LONRF1: variants seen among roughly 807,000 people sequenced by gnomAD.
The protein encoded by LONRF1 is LON peptidase N-terminal domain and ring finger 1, also known as LON peptidase N-terminal domain and RING finger protein 1.
A neutral mutation model predicts 85.8 loss-of-function variants in LONRF1; 37 were observed. The ratio of observed to expected loss-of-function variants is 0.43; its 90% CI spans 0.33 to 0.57. The LOEUF (loss-of-function observed/expected upper bound fraction) is 0.57. Among genes scored for constraint, LONRF1 ranks in the 20% least tolerant of loss-of-function variants. The pLI is 0.04. For synonymous variants in LONRF1, 517 were observed against 390.1 expected (o/e 1.33, Z -3.83); for missense variants, 1,036 against 978.0 (o/e 1.06, Z -0.79).
rs1348229509 is a variant in LONRF1, at chr8:12,729,302, G to A, written c.1719C>T (p.Cys573=). The change falls in exon 9 of 12, where the codon TGC becomes TGT. Residue 573 remains cysteine (C), a synonymous_variant. Coordinates refer to ENST00000398246, the MANE Select transcript of LONRF1 (RefSeq NM_152271.5). ...HLTKNVPIFV[C]TMAYPTVPCP... is the part of the protein sequence containing the mutation. ...AAGGCACAGTGGGGTAGGCCATAGT[G>A]CAAACAAATATTGGAACATTCTTGG... is the stretch of plus-strand genomic sequence containing the variant. 1 of 1,613,734 alleles carries A rather than the reference G, an allele frequency of 6.2e-7. No individual in the cohort carries two copies. The highest frequency in any genetic ancestry group is 1.1e-5 in the South Asian group (1 of 91,020).
Position 12,726,035 on chromosome 8 carries a change from C to A in LONRF1, c.2011-156G>T. 6.4e-6 allele frequency: 4 copies of A among 620,346 alleles called. No individual in the cohort carries two copies. In the South Asian group the frequency reaches 7.6e-5, roughly 12 times the overall value. 38.4% of individuals were successfully genotyped at this position (620,346 alleles called of 1,614,324 possible). A position where few individuals can be genotyped will look rare whatever the true frequency, so the allele number is the denominator to read the frequency against. On this transcript the variant is annotated intron_variant, in intron 10 of 11. Coordinates refer to ENST00000398246, the MANE Select transcript of LONRF1 (RefSeq NM_152271.5). ...AGTATTATTCCTATGCTTTAATACACATTTCTGTCTCATATAGGGCTGACC... is the reference window on the plus strand; with the variant it reads ...AGTATTATTCCTATGCTTTAATACAAATTTCTGTCTCATATAGGGCTGACC...
chr8:12,735,607 A>T, intron 6 of LONRF1: 1 of 527,022 alleles, frequency 1.9e-6, no homozygotes, highest in African/African-American at 1.9e-5. Context: ...CCTCCTGCCA[A>T]AGGCCTAGAG....
At position 12,731,822 on chromosome 8, in the gene LONRF1, C is replaced by G. The variant is rs1477316910; in HGVS notation, c.1602G>C (p.Leu534=). The G allele has an allele frequency of 1.2e-6, 2 of 1,612,764 alleles. No individual in the cohort carries two copies. Among genetic ancestry groups the G allele is most frequent in the Non-Finnish European group, 1.7e-6 (2 of 1,179,062 alleles). ...LADRRYCVTQ[L]LEELIVKYLP... ...GATACTTCACTATTAATTCTTCCAA[C>G]AGCTGTGTGACACAGTACCTCCTAT... The change falls in exon 8 of 12, where the codon CTG becomes CTC. Residue 534 remains leucine, a synonymous_variant. Transcript: ENST00000398246.
chr8:12,725,935 T>C, intron 10 of LONRF1, 56 bp from the exon 11 acceptor site: 5 of 1,518,738 alleles, frequency 3.3e-6, no homozygotes, highest in Non-Finnish European at 4.5e-6. Flanking sequence ...CCATATGCCA[T>C]ATGCCAACCG....
intron 1 of LONRF1, chr8:12,754,160 T>C (rs1799529069): frequency 6.6e-6 from 1 of 152,002 alleles, no homozygotes; most frequent in Admixed American, 6.5e-5. Context: ...CTTATGCAAT[T>C]CTGCCCTCCC....
At chr8:12,725,352 A>C (rs1798255436) in intron 11 of LONRF1, among the ~76,000 whole-genome samples, 2 of 152,198 alleles carry the variant, frequency 1.3e-5, no homozygotes, top group South Asian at 4.1e-4. Flanking sequence ...TCTGCTGTCA[A>C]AGAATAACAG....
At chr8:12,732,669 T>G (rs144612923) in intron 7 of LONRF1, among the ~76,000 whole-genome samples, 30 of 152,180 alleles carry the variant, frequency 2.0e-4, no homozygotes, top group Non-Finnish European at 4.1e-4. Context: ...CCTTAATTAT[T>G]TTTTTCTCTC....
chr8:12,748,609 A>G (rs1167195778), intron 1 of LONRF1, among the ~76,000 whole-genome samples: 3 of 152,248 alleles, frequency 2.0e-5, no homozygotes, highest in African/African-American at 4.8e-5. Context: ...CTAGAAATAC[A>G]TAAATTAAAA....
rs1299558186 is a variant in LONRF1 at position 12,737,353 on chromosome 8, T to A, written c.1114-213A>T. On this transcript the variant is annotated intron_variant, in intron 4 of 11. Transcript: ENST00000398246. ...ATCCACAGGCTCTGCATCCGTGGGT[T>A]CATCCAACTGGGGATAGAAAATATT... 4.3e-6 allele frequency: 3 copies of A among 699,986 alleles called. No homozygotes were observed. The African/African-American group carries it at 5.3e-5, about 12-fold the overall frequency. 43.4% of individuals were successfully genotyped at this position (699,986 alleles called of 1,614,324 possible). A position where few individuals can be genotyped will look rare whatever the true frequency, so the allele number is the denominator to read the frequency against.
intron 11 of LONRF1, among the ~76,000 whole-genome samples, chr8:12,724,780 T>C (rs77891975): frequency 2.0e-5 from 3 of 152,206 alleles, no homozygotes; most frequent in African/African-American, 4.8e-5. Context: ...AAGTAATCAG[T>C]TAAAACAAAT....
intron 1 of LONRF1, among the ~76,000 whole-genome samples, chr8:12,751,774 A>G (rs1799417202): frequency 6.6e-6 from 1 of 151,372 alleles, no homozygotes. Flanking sequence ...CACGAAGGAG[A>G]TAAGTCAGTG....
chr8:12,742,289 G>T (rs1202160275), intron 2 of LONRF1, among the ~76,000 whole-genome samples: 2 of 152,136 alleles, frequency 1.3e-5, no homozygotes, highest in African/African-American at 4.8e-5. Context: ...AGTTTTGAAT[G>T]GAGGGAAAAG....
chr8:12,753,186 G>A (rs1324872518), intron 1 of LONRF1: 2 of 152,054 alleles, frequency 1.3e-5, no homozygotes, highest in Non-Finnish European at 2.9e-5. Context: ...TCCTCACGAA[G>A]GCACTGAAAG....
chr8:12,751,703 T>C (rs961982219), intron 1 of LONRF1, among the ~76,000 whole-genome samples: 2 of 151,364 alleles, frequency 1.3e-5, no homozygotes, highest in Non-Finnish European at 2.9e-5. Context: ...TTTTTTTTTT[T>C]AACCTGTACA....
rs144382578 is a variant in LONRF1, at chr8:12,751,043, A to G, written c.721+3657T>C. Among the ~76,000 whole-genome samples, 345 of 152,288 alleles carry G rather than the reference A, an allele frequency of 2.3e-3. 2 individuals are homozygous for G. Among genetic ancestry groups the G allele is most frequent in the African/African-American group, 7.9e-3 (328 of 41,540 alleles). On this transcript the variant is annotated intron_variant, in intron 1 of 11. Transcript: ENST00000398246. ...TTTTCAGATAAGGAAACCAAAACAC[A>G]GATAGGTTAGGCAACGTGCACAAGG... is the stretch of plus-strand genomic sequence containing the variant.
chr8:12,737,868 A>T, intron 4 of LONRF1, 127 bp downstream of exon 4: 1 of 897,826 alleles, frequency 1.1e-6, no homozygotes, highest in Non-Finnish European at 1.6e-6. Flanking sequence ...AAAAAATTCT[A>T]CTATGATAAC....
chr8:12,753,784 G>A (rs1799508591), intron 1 of LONRF1: 2 of 152,180 alleles, frequency 1.3e-5, no homozygotes, highest in Admixed American at 1.3e-4. Context: ...GGAGGCCGAG[G>A]CTGCTTCTTG....
intron 1 of LONRF1, among the ~76,000 whole-genome samples, chr8:12,744,441 T>C (rs918065331): frequency 7.9e-5 from 12 of 152,190 alleles, no homozygotes; most frequent in African/African-American, 2.9e-4. Context: ...CTTGTGCTTC[T>C]TAAAGCAATG....
intron 10 of LONRF1, among the ~76,000 whole-genome samples, chr8:12,727,492 A>T (rs1051277375): frequency 6.6e-6 from 1 of 151,976 alleles, no homozygotes; most frequent in African/African-American, 2.4e-5. Flanking sequence ...ATGAGAAAAG[A>T]TTACTAGACA....
Sources: allele counts gnomAD v4.1 joint callset (sites outside exome capture counted in the v4.1 genomes callset), GRCh38; gene constraint gnomAD v4.1.1; transcripts MANE v1.5; gene names NCBI Gene and HGNC (gene_info 2026-07-23, HGNC 2026-07-21).